The following NOX1 variants were observed in gnomAD, a reference collection of about 807,000 sequenced individuals.
NOX1 encodes the protein NADPH oxidase 1, also known as NADH/NADPH mitogenic oxidase subunit P65-MOX.
A neutral mutation model predicts 42.5 loss-of-function variants in NOX1; 34 were observed. The observed-to-expected ratio is 0.80, with a 90% CI of 0.61 to 1.07. The LOEUF is 1.07. Among genes scored for constraint, NOX1 ranks in the 50% least tolerant of loss-of-function variants. The pLI is 0.00. For missense variants in NOX1, 408 were observed against 427.0 expected, an observed-to-expected ratio of 0.96 and a Z score of 0.39; for synonymous variants, 143 against 152.5, an observed-to-expected ratio of 0.94 and a Z score of 0.46.
Position 100,843,807 on chromosome X carries a change from A to G in NOX1, c.*145T>C. 1.1e-5 allele frequency: 5 copies of G among 470,351 alleles called. No homozygotes were observed. The highest frequency in any genetic ancestry group is 6.3e-4 in the Middle Eastern group (1 of 1,599). 38.8% of individuals were successfully genotyped at this position (470,351 alleles called of 1,213,427 possible). The stretch of plus-strand genomic sequence containing the variant: ...GCTGAAGCTCAAGTAACGAAGTTGA[A>G]TGCAATCAAAAAAAGAATACCAGGG... On this transcript the variant is annotated 3_prime_UTR_variant, in exon 13 of 13. Transcript: ENST00000372966.
intron 2 of NOX1, among the ~76,000 whole-genome samples, chrX:100,870,132 TTG>T: frequency 9.3e-6 from 1 of 106,977 alleles, no homozygotes; most frequent in South Asian, 4.3e-4. Context: ...TCTTTTTTGG[TTG>T]TGTCTCTGCC....
rs139132604 is a variant in NOX1, at chrX:100,848,659, C to T, written c.1539G>A (p.Glu513=). ...GGTGGGAGGTAGCTATTGTAGAAAACTCATTGTCCCACATTGGTCTCCCAA... is the reference window on the plus strand; with the variant it reads ...GGTGGGAGGTAGCTATTGTAGAAAATTCATTGTCCCACATTGGTCTCCCAA... ...TSFGRPMWDN[E]FSTIATSHPK... Residue 513 remains glutamate, a synonymous_variant, in exon 12 of 13, where the codon GAG becomes GAA. Coordinates refer to ENST00000372966, the MANE Select transcript of NOX1 (RefSeq NM_007052.5). 128 of 1,208,170 alleles carry T rather than the reference C, an allele frequency of 1.1e-4. No homozygotes were observed. In the African/African-American group the frequency reaches 1.8e-3, roughly 17 times the overall value.
intron 7 of NOX1, chrX:100,856,218 TG>T: frequency 1.0e-6 from 1 of 994,127 alleles, no homozygotes; most frequent in Non-Finnish European, 1.4e-6. Context: ...CCACAGCCCC[TG>T]GAGCGCTTGG....
intron 7 of NOX1, among the ~76,000 whole-genome samples, chrX:100,853,292 T>TTCTTTCTTTCTTTCTTTCTCTCTTTC (rs1569445593): frequency 3.0e-5 from 2 of 65,923 alleles, no homozygotes. Context: ...CTTTCTTTCT[T>TTCTTTCTTTCTTTCTTTCTCTCTTTC]TCTTTCTTTC....
intron 7 of NOX1, chrX:100,856,385 G>T: frequency 1.9e-6 from 1 of 515,467 alleles, no homozygotes; most frequent in Non-Finnish European, 3.4e-6. Context: ...AGACAAGATG[G>T]AAGGGAGAAG....
At position 100,862,686 on chromosome X, in the gene NOX1, T is replaced by C. The variant is rs1294004652; in HGVS notation, c.472A>G (p.Ile158Val). ...EKKGGSWLNP[I>V]QSRNTTVEYV... ...CAACTCACCGTGTTTCGGGACTGGA[T>C]GGGATTTAGCCAAGAACCCCCCTTT... Residue 158 changes from isoleucine (I) to valine (V), a missense_variant, in exon 5 of 13, where the codon ATC (isoleucine) becomes GTC (valine). Physicochemically the swap from Ile to Val is conservative, Grantham distance 29. Coordinates refer to ENST00000372966, the MANE Select transcript of NOX1 (RefSeq NM_007052.5). 8.4e-7 allele frequency: 1 copy of C among 1,195,879 alleles called. No individual in the cohort carries two copies. The highest frequency in any genetic ancestry group is 1.8e-5 in the African/African-American group (1 of 56,916).
chrX:100,870,266 A>G (rs768683576), intron 2 of NOX1, among the ~76,000 whole-genome samples: 4 of 110,007 alleles, frequency 3.6e-5, no homozygotes, highest in East Asian at 2.9e-4. Context: ...AAAAAAAAAA[A>G]AAAGAAATAG....
rs1278195145 is a variant in NOX1 at position 100,844,095 on chromosome X, A to G, written c.1569-17T>C. The G allele has an allele frequency of 6.0e-6, 7 of 1,160,054 alleles. No homozygotes were observed. Among genetic ancestry groups the G allele is most frequent in the Non-Finnish European group, 8.1e-6 (7 of 866,960 alleles). On this transcript the variant is annotated splice_polypyrimidine_tract_variant and intron_variant, in intron 12 of 12. Transcript: ENST00000372966. ...ACTACAGACCTGTAGGAACAGAACA[A>G]TAGTAAGGGCTAGAATGCAGCAATG...
At chrX:100,870,656 G>T in intron 2 of NOX1, 63 bp downstream of exon 2, 1 of 775,349 alleles carries the variant, frequency 1.3e-6, no homozygotes, top group South Asian at 2.2e-5. Flanking sequence ...GGGTCACAAA[G>T]AAGCTGGAAT....
intron 7 of NOX1, among the ~76,000 whole-genome samples, chrX:100,852,991 G>A (rs1254308857): frequency 8.9e-6 from 1 of 111,945 alleles, no homozygotes; most frequent in African/African-American, 3.2e-5. Context: ...CATTTCACAG[G>A]GGTGAAAATG....
intron 2 of NOX1, among the ~76,000 whole-genome samples, chrX:100,866,870 T>A (rs922694664): frequency 1.1e-4 from 12 of 110,564 alleles, no homozygotes; most frequent in Non-Finnish European, 2.1e-4. Context: ...CTATGCAATA[T>A]ATGCATGTAA....
In NOX1 at chrX:100,843,609, G is replaced by A; in HGVS notation, c.*343C>T. ...CCAAAACTCAGGAGATGGTAACACT[G>A]GAATTGATAAAATCACCTGGGATTA... On this transcript the variant is annotated 3_prime_UTR_variant, in exon 13 of 13. Coordinates refer to ENST00000372966, the MANE Select transcript of NOX1 (RefSeq NM_007052.5). 3.6e-6 allele frequency: 2 copies of A among 548,572 alleles called. No individual in the cohort carries two copies. Among genetic ancestry groups the A allele is most frequent in the Non-Finnish European group, 5.4e-6 (2 of 373,625 alleles). The allele number at this position is 548,572 out of a possible 1,213,427, so 45.2% of individuals were successfully genotyped here.
At chrX:100,856,328 A>G (rs1237473895) in intron 7 of NOX1, 1 of 644,361 alleles carries the variant, frequency 1.6e-6, no homozygotes, top group Non-Finnish European at 2.6e-6. Context: ...CAAATCTCCA[A>G]TGAAGAGCTT....
chrX:100,865,703 T>C (rs2085232680), intron 2 of NOX1, among the ~76,000 whole-genome samples: 1 of 112,895 alleles, frequency 8.9e-6, no homozygotes, highest in South Asian at 3.6e-4. Flanking sequence ...GATGCAGTGA[T>C]GGTAAATGTT....
At position 100,848,304 on chromosome X, in the gene NOX1, T is replaced by G. The variant is rs2085087684; in HGVS notation, c.1568+326A>C. Among the ~76,000 whole-genome samples, 4 of 110,680 alleles carry G rather than the reference T, an allele frequency of 3.6e-5. No individual in the cohort carries two copies. The Admixed American group carries it at 3.8e-4, about 11-fold the overall frequency. On this transcript the variant is annotated intron_variant, in intron 12 of 12. Transcript: ENST00000372966. ...CTCCGCACTCATCTTTTTTTTTTTC[T>G]TTTGAGACAGAGTTTCTCTCTTGTT...
intron 7 of NOX1, chrX:100,855,336 A>G: frequency 1.7e-6 from 1 of 588,552 alleles, no homozygotes; most frequent in South Asian, 2.2e-5. Context: ...TGGAACCGCC[A>G]TAGCCACTGT....
At chrX:100,859,239 G>A (rs1057321984) in intron 7 of NOX1, among the ~76,000 whole-genome samples, 2 of 112,010 alleles carry the variant, frequency 1.8e-5, no homozygotes, top group Non-Finnish European at 3.8e-5. Flanking sequence ...CACATTTATT[G>A]ATTTGCATAT....
chrX:100,847,153 C>A (rs1191395598), intron 12 of NOX1, among the ~76,000 whole-genome samples: 3 of 111,206 alleles, frequency 2.7e-5, no homozygotes, highest in Admixed American at 9.5e-5. Flanking sequence ...GGCACCATTG[C>A]ACTCCAGCCT....
chrX:100,856,986 A>G lies in NOX1; in HGVS notation c.804+5185T>C, dbSNP rs185227115. Among the ~76,000 whole-genome samples the G allele has an allele frequency of 1.1e-3, 128 of 111,576 alleles. 1 individual carries two copies. Among genetic ancestry groups the G allele is most frequent in the Non-Finnish European group, 1.3e-3 (70 of 53,107 alleles). The stretch of plus-strand genomic sequence containing the variant: ...TACAGATTATTTCATCACCTAGGTA[A>G]TAAGCCTACTACCCATTAGATAGTT... On this transcript the variant is annotated intron_variant, in intron 7 of 12. Coordinates refer to ENST00000372966, the MANE Select transcript of NOX1 (RefSeq NM_007052.5).
Sources: allele counts gnomAD v4.1 joint callset (sites outside exome capture counted in the v4.1 genomes callset), GRCh38; gene constraint gnomAD v4.1.1; transcripts MANE v1.5; gene names NCBI Gene and HGNC (gene_info 2026-07-23, HGNC 2026-07-21).